CARS2: variants seen among roughly 807,000 people sequenced by gnomAD.
CARS2 encodes cysteinyl-tRNA synthetase 2, mitochondrial.
Under a neutral mutation model 68.8 loss-of-function variants are expected in CARS2, and 52 were observed. That is an observed-to-expected ratio of 0.76 (90% CI 0.61 to 0.95). CARS2 has a LOEUF of 0.95. Ranked by LOEUF, CARS2 falls within the 40% of genes least tolerant of loss-of-function variation. CARS2 has a pLI of 0.00. For missense variants in CARS2, 780 were observed against 754.2 expected (o/e 1.03, Z -0.40); for synonymous variants, 314 against 303.6 (o/e 1.03, Z -0.36).
intron 9 of CARS2, among the ~76,000 whole-genome samples, chr13:110,654,893 G>A (rs2062320869): frequency 7.5e-6 from 1 of 133,616 alleles, no homozygotes; most frequent in South Asian, 2.3e-4. Context: ...ACTGCACCAG[G>A]TACCCAGGTG....
intron 3 of CARS2, among the ~76,000 whole-genome samples, chr13:110,699,677 G>A (rs534464333): frequency 9.8e-5 from 15 of 152,350 alleles, no homozygotes; most frequent in East Asian, 7.7e-4. Flanking sequence ...GGAAGCACCC[G>A]CAATGGAGAA....
intron 3 of CARS2, among the ~76,000 whole-genome samples, chr13:110,696,453 G>A (rs1420990827): frequency 6.6e-6 from 1 of 152,148 alleles, no homozygotes; most frequent in Non-Finnish European, 1.5e-5. Flanking sequence ...ACTTTTTAAT[G>A]ATCGCCATTC....
At chr13:110,686,874 T>G (rs893360905) in intron 5 of CARS2, among the ~76,000 whole-genome samples, 6 of 151,032 alleles carry the variant, frequency 4.0e-5, no homozygotes, top group African/African-American at 1.5e-4. Flanking sequence ...CTTTTTGTTT[T>G]TTGTGCAGGG....
At chr13:110,650,851 C>T (rs2139699280) in intron 10 of CARS2, 183 bp downstream of exon 10, 3 of 550,690 alleles carry the variant, frequency 5.4e-6, no homozygotes, top group South Asian at 4.5e-5. Context: ...TGGGCCGGGC[C>T]CAGACCAGCA....
chr13:110,681,753 C>T (rs562102036), intron 6 of CARS2, among the ~76,000 whole-genome samples: 6 of 152,284 alleles, frequency 3.9e-5, no homozygotes, highest in East Asian at 1.9e-4. Context: ...TAAAGAGAAA[C>T]GAGCTCTCAG....
intron 3 of CARS2, 188 bp downstream of exon 3, chr13:110,701,250 G>T: frequency 2.1e-6 from 1 of 475,172 alleles, no homozygotes; most frequent in Non-Finnish European, 3.8e-6. Context: ...TTTTAGTACA[G>T]ACAAGGTTTC....
chr13:110,658,990 A>G, intron 9 of CARS2, among the ~76,000 whole-genome samples: 1 of 152,138 alleles, frequency 6.6e-6, no homozygotes, highest in Non-Finnish European at 1.5e-5. Flanking sequence ...ATTACTGCTA[A>G]CTTTTTAGGT....
chr13:110,666,477 G>C (rs2062651918), intron 8 of CARS2: 9 of 985,352 alleles, frequency 9.1e-6, no homozygotes, highest in Non-Finnish European at 1.1e-5. Flanking sequence ...AGAGCCGCCT[G>C]CTGGGTTCCC....
chr13:110,703,735 A>C (rs2063858525), intron 2 of CARS2, among the ~76,000 whole-genome samples: 1 of 152,240 alleles, frequency 6.6e-6, no homozygotes, highest in Non-Finnish European at 1.5e-5. Context: ...CTGAAATGTA[A>C]TCAAGGAAAA....
chr13:110,682,960 T>C (rs1268583142), intron 6 of CARS2, 91 bp downstream of exon 6: 9 of 748,398 alleles, frequency 1.2e-5, no homozygotes, highest in Non-Finnish European at 1.7e-5. Flanking sequence ...TCTGAGCAAG[T>C]GGAGGGGTCT....
chr13:110,694,586 G>A (rs1377376993), intron 3 of CARS2, among the ~76,000 whole-genome samples: 1 of 152,046 alleles, frequency 6.6e-6, no homozygotes, highest in Non-Finnish European at 1.5e-5. Flanking sequence ...GCGCTGGGCT[G>A]AGATCCCACC....
chr13:110,709,334 T>C (rs2064008025), upstream of CARS2, among the ~76,000 whole-genome samples: 1 of 152,010 alleles, frequency 6.6e-6, no homozygotes. Flanking sequence ...CCCCAGGTGA[T>C]CCGCCCACCT....
Position 110,663,445 on chromosome 13 carries a change from C to A in CARS2, c.987+6G>T. 6.2e-7 allele frequency: 1 copy of A among 1,611,884 alleles called. No homozygotes were observed. Among genetic ancestry groups the A allele is most frequent in the Non-Finnish European group, 8.5e-7 (1 of 1,179,108 alleles). On this transcript the variant is annotated splice_donor_region_variant and intron_variant, in intron 9 of 14. Transcript: ENST00000257347. Reference sequence around the variant, plus strand: ...CCTCAGAGATACAATACAAAAAGCACGTTACCTTAATAGTAATGTAGTTCT... The same window carrying A: ...CCTCAGAGATACAATACAAAAAGCAAGTTACCTTAATAGTAATGTAGTTCT...
At position 110,665,722 on chromosome 13, in the gene CARS2, T is replaced by G; in HGVS notation, c.919+1618A>C. ...TCAGACAGTTCAGGGAGCGCTGAAC[T>G]GAGCCCTGAACGAAGTCAACGAGGA... On this transcript the variant is annotated intron_variant, in intron 8 of 14. Coordinates refer to ENST00000257347, the MANE Select transcript of CARS2 (RefSeq NM_024537.4). This position sits in a 1 kb window ranked among gnomAD's most constrained non-coding sequence, Gnocchi z 4.3. The G allele has an allele frequency of 2.0e-6, 2 of 985,420 alleles. No individual in the cohort carries two copies. Among genetic ancestry groups the G allele is most frequent in the Non-Finnish European group, 2.4e-6 (2 of 829,926 alleles). 61.0% of individuals were successfully genotyped at this position (985,420 alleles called of 1,614,324 possible).
chr13:110,704,909 C>T (rs2063896709), intron 2 of CARS2, among the ~76,000 whole-genome samples: 2 of 152,100 alleles, frequency 1.3e-5, no homozygotes. Context: ...GGCAGTACAT[C>T]TTACAGTTAA....
chr13:110,658,228 C>T (rs1424499633), intron 9 of CARS2, among the ~76,000 whole-genome samples: 1 of 152,178 alleles, frequency 6.6e-6, no homozygotes, highest in Non-Finnish European at 1.5e-5. Flanking sequence ...TAAAGGAGCA[C>T]AGGTGAATCT....
chr13:110,657,959 A>G (rs746260016), intron 9 of CARS2, among the ~76,000 whole-genome samples: 2 of 152,218 alleles, frequency 1.3e-5, no homozygotes, highest in African/African-American at 2.4e-5. Context: ...AAAAGCTTCT[A>G]CCTGGATCAA....
intron 10 of CARS2, chr13:110,650,799 G>C (rs907902851): frequency 2.0e-6 from 1 of 488,942 alleles, no homozygotes; most frequent in Non-Finnish European, 3.6e-6. Flanking sequence ...GAGAGAAGGA[G>C]TGGAGAGGAC....
At chr13:110,713,169 C>T in exon 1 of CARS2, 1 of 1,428,772 alleles carries the variant, frequency 7.0e-7, no homozygotes, top group Admixed American at 2.9e-5. Flanking sequence ...CGTGATTGGG[C>T]TGTCAAAGTG....
Sources: allele counts gnomAD v4.1 joint callset (sites outside exome capture counted in the v4.1 genomes callset), GRCh38; gene constraint gnomAD v4.1.1; non-coding constraint Gnocchi (gnomAD v3.1); transcripts MANE v1.5; gene names NCBI Gene and HGNC (gene_info 2026-07-23, HGNC 2026-07-21).